SEMA6D: variants seen among roughly 807,000 people sequenced by gnomAD.
SEMA6D encodes the protein semaphorin 6D.
A neutral mutation model predicts 106.6 loss-of-function variants in SEMA6D; 35 were observed. The ratio of observed to expected loss-of-function variants is 0.33; its 90% confidence interval spans 0.25 to 0.44. The LOEUF (loss-of-function observed/expected upper bound fraction) is 0.44. SEMA6D is among the 20% of genes least tolerant of loss of function. The probability of loss-of-function intolerance (pLI) is 1.00; values close to 1 mark genes in which losing one functional copy is unlikely to be tolerated. For missense variants in SEMA6D, 1,185 were observed against 1,345.9 expected, an observed-to-expected ratio of 0.88 and a Z score of 1.87; for synonymous variants, 499 against 487.7, an observed-to-expected ratio of 1.02 and a Z score of -0.31.
In SEMA6D at chr15:47,548,591, T is replaced by C. The variant is rs1439890272; in HGVS notation, c.-86-52274T>C. Among the ~76,000 whole-genome samples the C allele has an allele frequency of 2.0e-5, 3 of 152,256 alleles. No individual in the cohort carries two copies. In the East Asian group the frequency reaches 5.8e-4, roughly 29 times the overall value. Reference sequence around the variant, plus strand: ...TTCTTCAAAGCAAGCATGAACACTCTTAGGACAGAACATTGTGCTCCATAA... The same window carrying C: ...TTCTTCAAAGCAAGCATGAACACTCCTAGGACAGAACATTGTGCTCCATAA... On this transcript the variant is annotated intron_variant, in intron 3 of 19. Coordinates refer to the SEMA6D transcript ENST00000558014.
intron 3 of SEMA6D, among the ~76,000 whole-genome samples, chr15:47,506,179 C>A (rs2044031725): frequency 6.6e-6 from 1 of 152,086 alleles, no homozygotes; most frequent in Non-Finnish European, 1.5e-5. Context: ...ACTCTGGCCT[C>A]CAGGGAGAAA....
At chr15:47,222,014 CACGCACAG>C (rs2031246884) in intron 1 of SEMA6D, among the ~76,000 whole-genome samples, 1 of 152,104 alleles carries the variant, frequency 6.6e-6, no homozygotes, top group Non-Finnish European at 1.5e-5. Flanking sequence ...CACACACACA[CACGCACAG>C]ACACACGCAT....
intron 1 of SEMA6D, among the ~76,000 whole-genome samples, chr15:47,365,886 GAGAGGAGAGAGA>G (rs1201447276): frequency 1.7e-5 from 1 of 59,268 alleles, no homozygotes; most frequent in East Asian, 3.1e-4. Flanking sequence ...GAGAGAGAGA[GAGAGGAGAGAGA>G]GAGAGAGAGA....
At chr15:47,711,268 C>T (rs1290913331) in intron 4 of SEMA6D, among the ~76,000 whole-genome samples, 1 of 139,370 alleles carries the variant, frequency 7.2e-6, no homozygotes, top group South Asian at 2.4e-4. Context: ...CGAGATCCCG[C>T]CACTGCACTC....
chr15:47,728,806 A>T (rs77290254), intron 1 of SEMA6D, among the ~76,000 whole-genome samples: 2 of 152,244 alleles, frequency 1.3e-5, no homozygotes, highest in East Asian at 3.9e-4. Flanking sequence ...CAGCAATCCT[A>T]TGACTGAGAC....
chr15:47,612,373 T>G (rs1471613296), intron 4 of SEMA6D, among the ~76,000 whole-genome samples: 2 of 152,182 alleles, frequency 1.3e-5, no homozygotes, highest in African/African-American at 2.4e-5. Flanking sequence ...CTTGCCTACC[T>G]AAACAGAAGA....
intron 4 of SEMA6D, among the ~76,000 whole-genome samples, chr15:47,694,973 T>G (rs61418883): frequency 0.029 from 4,384 of 152,228 alleles, 226 homozygotes; most frequent in African/African-American, 0.1. Context: ...AGCAGGGCAT[T>G]GCGTTAGGCA....
chr15:47,490,601 C>T (rs533552383), intron 3 of SEMA6D, among the ~76,000 whole-genome samples: 7 of 152,204 alleles, frequency 4.6e-5, no homozygotes, highest in East Asian at 3.9e-4. Context: ...GCCTAGATTG[C>T]GCCACTGCAC....
rs869122623 is a variant in SEMA6D at position 47,720,261 on chromosome 15, CTTTTTTTTTTT to C, written c.-55+2582_-55+2592del. On this transcript the variant is annotated intron_variant, in intron 1 of 18. Transcript: ENST00000536845. ...TAGGGATGCTATATCAATAACCTTT[CTTTTTTTTTTT>C]TTTTTTTTTTTTGGAACATTTCTGT... is the stretch of plus-strand genomic sequence containing the variant. Among the ~76,000 whole-genome samples the C allele has an allele frequency of 2.3e-3, 223 of 97,168 alleles. 1 individual carries two copies. The highest frequency in any genetic ancestry group is 7.5e-3 in the African/African-American group (195 of 25,850). 63.7% of individuals were successfully genotyped at this position (97,168 alleles called of 152,430 possible).
intron 1 of SEMA6D, among the ~76,000 whole-genome samples, chr15:47,735,376 G>C (rs1474957424): frequency 6.6e-6 from 1 of 152,220 alleles, no homozygotes; most frequent in Non-Finnish European, 1.5e-5. Flanking sequence ...AACACAGTGA[G>C]TCTGTATTTA....
intron 3 of SEMA6D, among the ~76,000 whole-genome samples, chr15:47,498,388 T>A (rs2141559547): frequency 6.6e-6 from 1 of 152,216 alleles, no homozygotes; most frequent in South Asian, 2.1e-4. Flanking sequence ...TCCCCTTTCT[T>A]GCATCTCTCA....
intron 1 of SEMA6D, among the ~76,000 whole-genome samples, chr15:47,264,373 T>G (rs1319979683): frequency 2.6e-5 from 4 of 151,970 alleles, no homozygotes; most frequent in Non-Finnish European, 5.9e-5. Context: ...GCAAGGTTTT[T>G]GGGGGACTTG....
chr15:47,421,495 T>C (rs1195716952), intron 2 of SEMA6D, among the ~76,000 whole-genome samples: 1 of 152,140 alleles, frequency 6.6e-6, no homozygotes, highest in Non-Finnish European at 1.5e-5. Flanking sequence ...TATCATCTAC[T>C]CCTTGGTTTT....
intron 1 of SEMA6D, among the ~76,000 whole-genome samples, chr15:47,230,886 G>A (rs1211208740): frequency 1.3e-5 from 2 of 152,044 alleles, no homozygotes; most frequent in African/African-American, 2.4e-5. Flanking sequence ...GATAACGGAT[G>A]TGTAGGTAAT....
chr15:47,344,393 C>G (rs1405377133), intron 1 of SEMA6D, among the ~76,000 whole-genome samples: 3 of 152,002 alleles, frequency 2.0e-5, no homozygotes, highest in African/African-American at 7.3e-5. Flanking sequence ...TAATGGTTCT[C>G]AAGATACTGT....
chr15:47,727,889 C>T (rs757726594), intron 1 of SEMA6D, among the ~76,000 whole-genome samples: 2 of 152,166 alleles, frequency 1.3e-5, no homozygotes, highest in African/African-American at 4.8e-5. Flanking sequence ...GAATTTTTTC[C>T]CTTGTGCTTT....
chr15:47,545,967 G>C (rs1377567504), intron 3 of SEMA6D, among the ~76,000 whole-genome samples: 1 of 152,028 alleles, frequency 6.6e-6, no homozygotes, highest in African/African-American at 2.4e-5. Context: ...ACTCAAGGTG[G>C]AAAAGCATAG....
intron 1 of SEMA6D, among the ~76,000 whole-genome samples, chr15:47,346,250 T>C (rs1315496437): frequency 2.0e-5 from 3 of 152,196 alleles, no homozygotes; most frequent in Non-Finnish European, 4.4e-5. Flanking sequence ...AGACCAGTTT[T>C]TCATGTAGCT....
chr15:47,580,051 A>T (rs2076228732), intron 3 of SEMA6D, among the ~76,000 whole-genome samples: 1 of 152,170 alleles, frequency 6.6e-6, no homozygotes, highest in Admixed American at 6.5e-5. Flanking sequence ...ACAATTTTCA[A>T]ACTCTTTAAA....
Sources: allele counts gnomAD v4.1 joint callset (sites outside exome capture counted in the v4.1 genomes callset), GRCh38; gene constraint gnomAD v4.1.1; transcripts MANE v1.5; gene names NCBI Gene and HGNC (gene_info 2026-07-23, HGNC 2026-07-21).